Variants in GGT5 observed in about 807,000 individuals in gnomAD.
GGT5 encodes the protein glutathione hydrolase 5 proenzyme.
In GGT5, 50 loss-of-function variants were observed where a neutral mutation model predicts 58.1. The observed-to-expected ratio is 0.86, with a 90% CI of 0.69 to 1.09. GGT5 has a LOEUF of 1.09. Ranked by LOEUF, GGT5 falls within the 50% of genes least tolerant of loss-of-function variation. The probability of loss-of-function intolerance (pLI) is 0.00; values close to 1 mark genes in which losing one functional copy is unlikely to be tolerated. For synonymous variants in GGT5, 370 were observed against 346.1 expected, an observed-to-expected ratio of 1.07 and a Z score of -0.77; for missense variants, 800 against 789.4, an observed-to-expected ratio of 1.01 and a Z score of -0.16.
At chr22:24,236,567 T>C (rs552097608) in intron 1 of GGT5, among the ~76,000 whole-genome samples, 9 of 152,166 alleles carry the variant, frequency 5.9e-5, no homozygotes, top group Admixed American at 4.6e-4. Context: ...ATTGAGACCA[T>C]CCTGGCTAAC....
At chr22:24,230,143 G>A (rs1463009087) in intron 6 of GGT5, among the ~76,000 whole-genome samples, 8 of 151,926 alleles carry the variant, frequency 5.3e-5, no homozygotes, top group Non-Finnish European at 7.4e-5. Context: ...CGAGGTGGGC[G>A]GATCACCTGA....
chr22:24,244,356 TTCAC>T (rs1345828491), intron 1 of GGT5, 193 bp downstream of exon 1: 3 of 552,258 alleles, frequency 5.4e-6, no homozygotes, highest in Admixed American at 6.3e-5. Flanking sequence ...ATCACACACA[TTCAC>T]ACACACCCAC....
At chr22:24,232,011 C>A in intron 5 of GGT5, 40 bp downstream of exon 5, 4 of 1,579,348 alleles carry the variant, frequency 2.5e-6, no homozygotes, top group Non-Finnish European at 3.5e-6. Context: ...TTGGCTCTTC[C>A]TCCAGCAGGG....
chr22:24,225,469 A>G, intron 9 of GGT5, 58 bp from the exon 10 acceptor site: 1 of 1,602,164 alleles, frequency 6.2e-7, no homozygotes. Flanking sequence ...TTAGCATGCA[A>G]CCCCAGCCCA....
chr22:24,242,166 A>C (rs2048343882), intron 1 of GGT5: 1 of 152,188 alleles, frequency 6.6e-6, no homozygotes, highest in South Asian at 2.1e-4. Flanking sequence ...GCTGGAGATA[A>C]CAGACCTCAC....
At position 24,232,217 on chromosome 22, in the gene GGT5, T is replaced by TG; in HGVS notation, c.597-10dup. 2.4e-6 allele frequency: 1 copy of TG among 425,166 alleles called. No individual in the cohort carries two copies. Among genetic ancestry groups the TG allele is most frequent in the Admixed American group, 5.1e-5 (1 of 19,662 alleles). The allele number at this position is 425,166 out of a possible 1,614,324, so 26.3% of individuals were successfully genotyped here. A position where few individuals can be genotyped will look rare whatever the true frequency, so the allele number is the denominator to read the frequency against. ...CGTTGAAGAAGAGCTGGCTGGGGGG[T>TG]GGGGGGAGCCTCAGGGTGGGGCCAG... On this transcript the variant is annotated splice_polypyrimidine_tract_variant and intron_variant, in intron 4 of 11. Coordinates refer to ENST00000327365, the MANE Select transcript of GGT5 (RefSeq NM_004121.5).
At chr22:24,242,925 AAC>A in intron 1 of GGT5, 1 of 152,316 alleles carries the variant, frequency 6.6e-6, no homozygotes, top group Admixed American at 6.5e-5. Flanking sequence ...TGTTTGACAA[AAC>A]ACTGGGGCAA....
rs553312804 is a variant in GGT5, at chr22:24,224,985, C to T, written c.1614+11G>A. 4 of 1,543,738 alleles carry T rather than the reference C, an allele frequency of 2.6e-6. No homozygotes were observed. The African/African-American group carries it at 4.1e-5, about 16-fold the overall frequency. ...TCTGCCCTAGGCATCCAGCTCGGAC[C>T]TCAGCCTCACCTGGCTGAAGTTGGG... On this transcript the variant is annotated intron_variant, in intron 11 of 11. Coordinates refer to ENST00000327365, the MANE Select transcript of GGT5 (RefSeq NM_004121.5).
At chr22:24,244,245 G>T in intron 1 of GGT5, 1 of 345,394 alleles carries the variant, frequency 2.9e-6, no homozygotes, top group South Asian at 4.3e-5. Flanking sequence ...AGACCTGCAG[G>T]TGCTGAAGCC....
At chr22:24,224,422 G>A (rs902556712) in intron 11 of GGT5, among the ~76,000 whole-genome samples, 7 of 152,030 alleles carry the variant, frequency 4.6e-5, no homozygotes, top group African/African-American at 1.7e-4. Flanking sequence ...GGAGCCTGAG[G>A]AGGAAGGATC....
At chr22:24,235,204 A>T (rs2048062837) in intron 1 of GGT5, among the ~76,000 whole-genome samples, 1 of 151,930 alleles carries the variant, frequency 6.6e-6, no homozygotes, top group Admixed American at 6.6e-5. Context: ...GATTACAGGC[A>T]TGCACCACCA....
rs1026060772 is a variant in GGT5 at position 24,232,900 on chromosome 22, C to A, written c.519G>T (p.Gly173=). ...FQPTIALLRG[G]HVVAPVLSRF... ...GGCTGAGGACAGGGGCCACCACATG[C>A]CCCCCTCGGAGCAGCGCGATGGTGG... Residue 173 remains glycine (G), a synonymous_variant, in exon 4 of 12, where the codon GGG becomes GGT. Coordinates refer to ENST00000327365, the MANE Select transcript of GGT5 (RefSeq NM_004121.5). The A allele has an allele frequency of 1.9e-6, 3 of 1,582,802 alleles. No homozygotes were observed. The highest frequency in any genetic ancestry group is 1.8e-5 in the Admixed American group (1 of 55,816).
intron 4 of GGT5, among the ~76,000 whole-genome samples, chr22:24,232,468 C>A (rs948718995): frequency 6.6e-6 from 1 of 152,178 alleles, no homozygotes; most frequent in African/African-American, 2.4e-5. Context: ...TGTCATCTCA[C>A]TCCTGGGAGG....
At chr22:24,243,083 G>C (rs1454204763) in intron 1 of GGT5, 2 of 152,350 alleles carry the variant, frequency 1.3e-5, no homozygotes, top group African/African-American at 4.8e-5. Flanking sequence ...GGGAGACCCA[G>C]CAGGTCCAGA....
chr22:24,220,167 C>T (rs2047548658), intron 11 of GGT5, 51 bp from the exon 12 acceptor site: 1 of 1,581,880 alleles, frequency 6.3e-7, no homozygotes, highest in South Asian at 1.1e-5. Flanking sequence ...CAGCCCATCT[C>T]CAGGAGGGAG....
Position 24,233,862 on chromosome 22 carries a change from A to C in GGT5, c.304+12T>G. 1 of 1,612,318 alleles carries C rather than the reference A, an allele frequency of 6.2e-7. No individual in the cohort carries two copies. The highest frequency in any genetic ancestry group is 8.5e-7 in the Non-Finnish European group (1 of 1,178,418). ...GCCCATCTTCCCCATGGCAGTTCACATGTGGGCCCACCTGTTGTCACATTG... is the reference window on the plus strand; with the variant it reads ...GCCCATCTTCCCCATGGCAGTTCACCTGTGGGCCCACCTGTTGTCACATTG... On this transcript the variant is annotated intron_variant, in intron 2 of 11. Coordinates refer to ENST00000327365, the MANE Select transcript of GGT5 (RefSeq NM_004121.5).
At position 24,220,070 on chromosome 22, in the gene GGT5, C is replaced by T. The variant is rs1423891886; in HGVS notation, c.1661G>A (p.Arg554Lys). ...CTGGACCACGTTCAGGAAGAAGGGC[C>T]TCTGGGTCTGGTTCTGGCCACGGTC... ...LQDRGQNQTQ[R>K]PFFLNVVQAV... Residue 554 changes from arginine to lysine, a missense_variant, in exon 12 of 12, where the codon AGG becomes AAG. By Grantham distance (26) the Arg-to-Lys change is conservative. Coordinates refer to ENST00000327365, the MANE Select transcript of GGT5 (RefSeq NM_004121.5). The T allele has an allele frequency of 6.2e-7, 1 of 1,614,080 alleles. No homozygotes were observed. Among genetic ancestry groups the T allele is most frequent in the African/African-American group, 1.3e-5 (1 of 74,936 alleles).
intron 1 of GGT5, among the ~76,000 whole-genome samples, chr22:24,235,431 C>G (rs73167568): frequency 6.6e-6 from 1 of 152,210 alleles, no homozygotes; most frequent in Non-Finnish European, 1.5e-5. Flanking sequence ...TGGGTCCCTG[C>G]ACCCACCCCG....
At chr22:24,237,621 C>A (rs1284200742) in intron 1 of GGT5, among the ~76,000 whole-genome samples, 1 of 151,898 alleles carries the variant, frequency 6.6e-6, no homozygotes, top group Admixed American at 6.6e-5. Context: ...GTTGGCCAGG[C>A]TGGTCTTGTA....
Sources: allele counts gnomAD v4.1 joint callset (sites outside exome capture counted in the v4.1 genomes callset), GRCh38; gene constraint gnomAD v4.1.1; transcripts MANE v1.5; gene names NCBI Gene and HGNC (gene_info 2026-07-23, HGNC 2026-07-21).